The following TRAPPC13 variants were observed in gnomAD, a reference collection of about 807,000 sequenced individuals.
TRAPPC13 encodes the protein REV7-interacting novel NHEJ regulator 1.
In TRAPPC13, 39 loss-of-function variants were observed where a neutral mutation model predicts 54.0. That is an observed-to-expected ratio of 0.72 (90% CI 0.56 to 0.94). The LOEUF is 0.94. TRAPPC13 is among the 40% of genes least tolerant of loss of function. TRAPPC13 has a pLI of 0.00. For missense variants in TRAPPC13, 386 were observed against 488.1 expected (o/e 0.79, Z 1.97); for synonymous variants, 148 against 167.7 (o/e 0.88, Z 0.91).
chr5:65,664,411 T>C lies in TRAPPC13; in HGVS notation c.1146+27T>C, dbSNP rs373052598. On this transcript the variant is annotated intron_variant, in intron 12 of 12. Coordinates refer to ENST00000399438, the MANE Select transcript of TRAPPC13 (RefSeq NM_024941.4). ...TATGCTGTCTTTTCAAAAATTCCAA[T>C]ATTTGGGTGCTGTTAACTTACAAGT... 1.7e-5 allele frequency: 27 copies of C among 1,606,704 alleles called. No homozygotes were observed. In the African/African-American group the frequency reaches 3.3e-4, roughly 20 times the overall value.
intron 10 of TRAPPC13, 45 bp downstream of exon 10, chr5:65,660,942 C>A: frequency 6.6e-7 from 1 of 1,505,690 alleles, no homozygotes; most frequent in Non-Finnish European, 9.0e-7. Flanking sequence ...GTGTGAAAGA[C>A]AGGTAGTTAG....
intron 7 of TRAPPC13, among the ~76,000 whole-genome samples, chr5:65,654,310 A>G (rs1054217504): frequency 5.9e-5 from 9 of 152,142 alleles, no homozygotes; most frequent in African/African-American, 2.2e-4. Context: ...ATAATATTCT[A>G]TTTTTATAAT....
chr5:65,625,242 G>T, intron 1 of TRAPPC13, 136 bp downstream of exon 1: 1 of 754,834 alleles, frequency 1.3e-6, no homozygotes, highest in Non-Finnish European at 2.3e-6. Flanking sequence ...CCGCCAAGCG[G>T]GAGGAAGCGA....
At chr5:65,659,151 G>A (rs1581233236) in intron 9 of TRAPPC13, among the ~76,000 whole-genome samples, 1 of 152,004 alleles carries the variant, frequency 6.6e-6, no homozygotes, top group East Asian at 1.9e-4. Flanking sequence ...TTGGTTTTTG[G>A]TTTGTTTTGT....
intron 4 of TRAPPC13, among the ~76,000 whole-genome samples, chr5:65,640,396 A>G (rs1212785093): frequency 6.6e-6 from 1 of 152,156 alleles, no homozygotes; most frequent in Non-Finnish European, 1.5e-5. Context: ...AAGAAATTCA[A>G]ATGTCAGTGT....
chr5:65,660,679 T>A lies in TRAPPC13; in HGVS notation c.699-20T>A. 1 of 1,547,534 alleles carries A rather than the reference T, an allele frequency of 6.5e-7. No individual in the cohort carries two copies. Among genetic ancestry groups the A allele is most frequent in the South Asian group, 1.2e-5 (1 of 80,444 alleles). On this transcript the variant is annotated intron_variant, in intron 9 of 12. Coordinates refer to ENST00000399438, the MANE Select transcript of TRAPPC13 (RefSeq NM_024941.4). ...AAGATGCTAGAGAATTTTCTCCGTC[T>A]CTGTCTCCACCCCTCTCAGTGTGTC... is the stretch of plus-strand genomic sequence containing the variant.
intron 6 of TRAPPC13, among the ~76,000 whole-genome samples, chr5:65,651,531 A>G (rs1031892578): frequency 6.6e-6 from 1 of 152,130 alleles, no homozygotes; most frequent in African/African-American, 2.4e-5. Flanking sequence ...GAGTAGACTG[A>G]GCTTCCTTCA....
At chr5:65,629,779 A>G in intron 1 of TRAPPC13, 2 of 1,536,124 alleles carry the variant, frequency 1.3e-6, no homozygotes, top group Non-Finnish European at 1.7e-6. Context: ...CTGAAGAGGC[A>G]GCTGAAGATG....
chr5:65,659,967 C>CAAAAAAAAAAAAAAAAAAAAAAAAAAAAA (rs141876171), intron 9 of TRAPPC13, among the ~76,000 whole-genome samples: 1 of 95,234 alleles, frequency 1.1e-5, no homozygotes, highest in African/African-American at 3.7e-5. Flanking sequence ...GTATTTTAAA[C>CAAAAAAAAAAAAAAAAAAAAAAAAAAAAA]AAAAAAAAAA....
intron 5 of TRAPPC13, among the ~76,000 whole-genome samples, chr5:65,650,066 G>C (rs571078475): frequency 1.3e-5 from 2 of 150,496 alleles, no homozygotes. Flanking sequence ...CATCGTGTTA[G>C]CCAGGATGGT....
chr5:65,639,134 C>T lies in TRAPPC13; in HGVS notation c.300+1354C>T, dbSNP rs368941727. ...ATCAGATCTCATGAGACTTATTCACCGTCATGAGAACAGCACAGGAAAGAC... is the reference window on the plus strand; with the variant it reads ...ATCAGATCTCATGAGACTTATTCACTGTCATGAGAACAGCACAGGAAAGAC... On this transcript the variant is annotated intron_variant, in intron 4 of 12. Transcript: ENST00000399438. Among the ~76,000 whole-genome samples, 39 of 151,920 alleles carry T rather than the reference C, an allele frequency of 2.6e-4. 1 individual carries two copies. Among genetic ancestry groups the T allele is most frequent in the Admixed American group, 2.1e-3 (32 of 15,242 alleles).
intron 7 of TRAPPC13, chr5:65,652,748 C>G: frequency 3.3e-6 from 2 of 609,300 alleles, no homozygotes; most frequent in Non-Finnish European, 5.9e-6. Context: ...ATCAATGTGT[C>G]TTGATTTTTA....
rs1417707623 is a variant in TRAPPC13, at chr5:65,666,085, G to C, written c.*1474G>C. 1.3e-5 allele frequency: 2 copies of C among 152,524 alleles called. No homozygotes were observed. The highest frequency in any genetic ancestry group is 4.8e-5 in the African/African-American group (2 of 41,440). 9.4% of individuals were successfully genotyped at this position (152,524 alleles called of 1,614,324 possible). On this transcript the variant is annotated 3_prime_UTR_variant, in exon 13 of 13. Coordinates refer to ENST00000399438, the MANE Select transcript of TRAPPC13 (RefSeq NM_024941.4). ...CAGTGTAAAATTGAAGTCTGTCTTT[G>C]TTTCAAAATGATTAAGATTAAATGA...
chr5:65,629,830 A>G, intron 1 of TRAPPC13: 1 of 1,536,106 alleles, frequency 6.5e-7, no homozygotes, highest in Non-Finnish European at 8.7e-7. Flanking sequence ...ATGCTAAGTC[A>G]CACAGTTATG....
chr5:65,628,574 C>A (rs754764517), intron 1 of TRAPPC13, among the ~76,000 whole-genome samples: 1 of 151,568 alleles, frequency 6.6e-6, no homozygotes, highest in African/African-American at 2.4e-5. Flanking sequence ...CGGGTTCAAG[C>A]GATTCTCCTC....
In TRAPPC13 at chr5:65,665,017, G is replaced by A. The variant is rs7714796; in HGVS notation, c.*406G>A. 0.016 allele frequency: 2,170 copies of A among 134,182 alleles called. 60 individuals carry two copies. The highest frequency in any genetic ancestry group is 0.078 in the African/African-American group (2,023 of 26,016). 8.3% of individuals were successfully genotyped at this position (134,182 alleles called of 1,614,324 possible). A position where few individuals can be genotyped will look rare whatever the true frequency, so the allele number is the denominator to read the frequency against. On this transcript the variant is annotated 3_prime_UTR_variant, in exon 13 of 13. Transcript: ENST00000399438. ...GTCACAAATACTGAACTCTGCCATC[G>A]TACTTCAAGAGCAGCCAGTAGGCAA...
At position 65,638,750 on chromosome 5, in the gene TRAPPC13, AAG is replaced by A. The variant is rs1406153037; in HGVS notation, c.300+979_300+980del. 3.3e-5 allele frequency among the ~76,000 whole-genome samples: 5 copies of A among 152,292 alleles called. No homozygotes were observed. The East Asian group carries it at 9.6e-4, about 29-fold the overall frequency. On this transcript the variant is annotated intron_variant, in intron 4 of 12. Coordinates refer to ENST00000399438, the MANE Select transcript of TRAPPC13 (RefSeq NM_024941.4). ...TGTCTCACGTGGATGGCAGCAGGCA[AAG>A]AGAGAGAGCTTGTGCGGGGAAACTC...
chr5:65,647,265 A>G (rs1043862587), intron 5 of TRAPPC13, 83 bp downstream of exon 5: 10 of 1,289,480 alleles, frequency 7.8e-6, no homozygotes, highest in South Asian at 1.5e-5. Flanking sequence ...TTCATTCACC[A>G]TGAAGCATAG....
At position 65,662,102 on chromosome 5, in the gene TRAPPC13, TA is replaced by T; in HGVS notation, c.953del (p.Asn318ThrfsTer12). 1 of 1,609,564 alleles carries T rather than the reference TA, an allele frequency of 6.2e-7. No homozygotes were observed. The highest frequency in any genetic ancestry group is 8.5e-7 in the Non-Finnish European group (1 of 1,177,950). The stretch of plus-strand genomic sequence containing the variant: ...TCTTTGGAGGCAATACCAGATACCG[TA>T]AACCTTGAAGAACCTTTTCATATTA... ...RLSLEAIPDT[V>X]NLEEPFHITC... On this transcript the variant is annotated frameshift_variant, in exon 11 of 13. Coordinates refer to ENST00000399438, the MANE Select transcript of TRAPPC13 (RefSeq NM_024941.4). LOFTEE classifies it high-confidence loss of function.
Sources: allele counts gnomAD v4.1 joint callset (sites outside exome capture counted in the v4.1 genomes callset), GRCh38; gene constraint gnomAD v4.1.1; transcripts MANE v1.5; gene names NCBI Gene and HGNC (gene_info 2026-07-23, HGNC 2026-07-21).